The following NTM variants were observed in gnomAD, a reference collection of about 807,000 sequenced individuals.
NTM encodes IgLON family member 2.
NTM carries 13 observed loss-of-function variants against 42.1 expected under a neutral mutation model. The ratio of observed to expected loss-of-function variants is 0.31; its 90% confidence interval spans 0.20 to 0.49. The LOEUF is 0.49. Among genes scored for constraint, NTM ranks in the 20% least tolerant of loss-of-function variants. The pLI, the probability that NTM is intolerant of heterozygous loss-of-function variation, is 0.99. For synonymous variants in NTM, 187 were observed against 179.2 expected (o/e 1.04, Z -0.35); for missense variants, 373 against 452.8 (o/e 0.82, Z 1.60).
rs538032221 is a variant in NTM at position 131,972,474 on chromosome 11, A to C, written c.167+60826A>C. Among the ~76,000 whole-genome samples the C allele has an allele frequency of 2.0e-5, 3 of 152,300 alleles. No individual in the cohort carries two copies. In the East Asian group the frequency reaches 5.8e-4, roughly 29 times the overall value. ...AGTCTATCTTACATAATAAAAAATAATCTTAATGTAACAAAAGGTAGGGCT... is the reference window on the plus strand; with the variant it reads ...AGTCTATCTTACATAATAAAAAATACTCTTAATGTAACAAAAGGTAGGGCT... On this transcript the variant is annotated intron_variant, in intron 2 of 8. Coordinates refer to ENST00000683400, the MANE Select transcript of NTM (RefSeq NM_001352005.2).
At chr11:131,558,453 T>C (rs2055755664) in intron 1 of NTM, among the ~76,000 whole-genome samples, 1 of 152,190 alleles carries the variant, frequency 6.6e-6, no homozygotes, top group East Asian at 1.9e-4. Context: ...GGTTTTATGA[T>C]TTCTAATCCT....
rs11223001 is a variant in NTM, at chr11:132,291,731, A to G, written c.527-15958A>G. Among the ~76,000 whole-genome samples, 1,294 of 152,342 alleles carry G rather than the reference A, an allele frequency of 8.5e-3. 11 individuals are homozygous for G. The highest frequency in any genetic ancestry group is 0.021 in the South Asian group (102 of 4,824). Reference sequence around the variant, plus strand: ...GGCAGTTAGGAGATTATGACATTATAGAAGCCAAGAAAAGCTCATTTAAAG... The same window carrying G: ...GGCAGTTAGGAGATTATGACATTATGGAAGCCAAGAAAAGCTCATTTAAAG... On this transcript the variant is annotated intron_variant, in intron 4 of 8. Coordinates refer to ENST00000683400, the MANE Select transcript of NTM (RefSeq NM_001352005.2).
chr11:131,895,158 A>T (rs2052055497), intron 1 of NTM, among the ~76,000 whole-genome samples: 1 of 152,156 alleles, frequency 6.6e-6, no homozygotes, highest in Non-Finnish European at 1.5e-5. Flanking sequence ...ATCATCACTG[A>T]TATATAGAGT....
At chr11:131,742,357 A>T (rs541922053) in intron 1 of NTM, among the ~76,000 whole-genome samples, 2 of 152,282 alleles carry the variant, frequency 1.3e-5, no homozygotes, top group East Asian at 3.9e-4. Flanking sequence ...TGTTTATTTC[A>T]TTGCTCGTGT....
chr11:131,510,312 A>G (rs1262820646), intron 1 of NTM, among the ~76,000 whole-genome samples: 1 of 152,152 alleles, frequency 6.6e-6, no homozygotes. Flanking sequence ...ACTTCCCACC[A>G]CTTCAGCCCA....
chr11:131,896,023 T>A (rs577318325), intron 1 of NTM, among the ~76,000 whole-genome samples: 2 of 152,294 alleles, frequency 1.3e-5, no homozygotes, highest in East Asian at 3.9e-4. Flanking sequence ...TTGGGATACT[T>A]CTTGATTGTC....
intron 4 of NTM, among the ~76,000 whole-genome samples, chr11:132,243,033 TAAG>T (rs1304544190): frequency 2.0e-5 from 3 of 152,196 alleles, no homozygotes; most frequent in African/African-American, 7.2e-5. Context: ...CCCTCAATTT[TAAG>T]AAGACGCTGC....
At chr11:132,091,549 T>C (rs2060378299) in intron 2 of NTM, among the ~76,000 whole-genome samples, 1 of 152,100 alleles carries the variant, frequency 6.6e-6, no homozygotes, top group South Asian at 2.1e-4. Context: ...GTGGTGATCA[T>C]GGCTCACTGC....
At chr11:132,012,559 G>T (rs1157347258) in intron 2 of NTM, among the ~76,000 whole-genome samples, 2 of 152,142 alleles carry the variant, frequency 1.3e-5, no homozygotes. Flanking sequence ...TTTCTCTTTA[G>T]TGGTACTAAT....
At chr11:131,806,083 G>A (rs1010365931) in intron 1 of NTM, among the ~76,000 whole-genome samples, 5 of 152,112 alleles carry the variant, frequency 3.3e-5, no homozygotes, top group Non-Finnish European at 7.4e-5. Context: ...CTTTATATAA[G>A]CATGAAAACA....
At chr11:131,548,196 A>C (rs1337848528) in intron 1 of NTM, among the ~76,000 whole-genome samples, 1 of 152,140 alleles carries the variant, frequency 6.6e-6, no homozygotes, top group Non-Finnish European at 1.5e-5. Context: ...TAGTTAATAA[A>C]TCTTAGTTTC....
chr11:131,987,669 T>TAATAAAACTTTC (rs1451607715), intron 2 of NTM, among the ~76,000 whole-genome samples: 1 of 152,188 alleles, frequency 6.6e-6, no homozygotes, highest in Non-Finnish European at 1.5e-5. Context: ...AAGAAAATCT[T>TAATAAAACTTTC]AATAAAACTT....
In NTM at chr11:132,235,733, C is replaced by T. The variant is rs151201875; in HGVS notation, c.526+23586C>T. ...ATAATTCCACACAATTCTATATGGG[C>T]CTGTTTATTATCCCATTATTAGTGT... is the stretch of plus-strand genomic sequence containing the variant. On this transcript the variant is annotated intron_variant, in intron 4 of 8. Transcript: ENST00000683400. Among the ~76,000 whole-genome samples the T allele has an allele frequency of 1.3e-4, 20 of 152,198 alleles. No homozygotes were observed. The East Asian group carries it at 3.1e-3, about 24-fold the overall frequency.
chr11:131,770,448 A>C (rs887883036), intron 1 of NTM, among the ~76,000 whole-genome samples: 7 of 152,214 alleles, frequency 4.6e-5, no homozygotes, highest in African/African-American at 1.7e-4. Flanking sequence ...CACAAGTCTC[A>C]GGCTTCCAAG....
intron 4 of NTM, among the ~76,000 whole-genome samples, chr11:132,304,874 A>C (rs1383394334): frequency 1.3e-5 from 2 of 152,198 alleles, no homozygotes; most frequent in Non-Finnish European, 2.9e-5. Flanking sequence ...AACATAGGAA[A>C]GTAGGATTAA....
chr11:131,506,471 A>G (rs1046970075), intron 1 of NTM, among the ~76,000 whole-genome samples: 1 of 152,182 alleles, frequency 6.6e-6, no homozygotes, highest in Non-Finnish European at 1.5e-5. Flanking sequence ...GCAGTTACTG[A>G]GATGGCGTGT....
At chr11:132,036,860 G>A (rs545401790) in intron 2 of NTM, among the ~76,000 whole-genome samples, 10 of 152,292 alleles carry the variant, frequency 6.6e-5, no homozygotes, top group African/African-American at 1.9e-4. Flanking sequence ...CTTGGGAAAT[G>A]GACTGAAGGG....
intron 4 of NTM, among the ~76,000 whole-genome samples, chr11:132,259,651 G>T (rs1192406071): frequency 6.6e-6 from 1 of 152,062 alleles, no homozygotes; most frequent in African/African-American, 2.4e-5. Context: ...CTGCACTCCA[G>T]CCTGGGCGAC....
chr11:132,070,300 A>C (rs1468971407), intron 2 of NTM, among the ~76,000 whole-genome samples: 1 of 143,864 alleles, frequency 7.0e-6, no homozygotes, highest in Non-Finnish European at 1.5e-5. Context: ...AGCCAAGTTA[A>C]CACGTCAAAC....
Sources: allele counts gnomAD v4.1 joint callset (sites outside exome capture counted in the v4.1 genomes callset), GRCh38; gene constraint gnomAD v4.1.1; transcripts MANE v1.5; gene names NCBI Gene and HGNC (gene_info 2026-07-23, HGNC 2026-07-21).